AGAP1: variants seen among roughly 807,000 people sequenced by gnomAD.
AGAP1 encodes arf-GAP with GTPase, ANK repeat and PH domain-containing protein 1.
Under a neutral mutation model 105.3 loss-of-function variants are expected in AGAP1, and 29 were observed. The observed-to-expected ratio is 0.28, with a 90% CI of 0.21 to 0.38. The LOEUF is 0.38. Among genes scored for constraint, AGAP1 ranks in the 10% least tolerant of loss-of-function variants. AGAP1 has a pLI of 1.00. For synonymous variants in AGAP1, 509 were observed against 485.9 expected (o/e 1.05, Z -0.63); for missense variants, 998 against 1,165.1 (o/e 0.86, Z 2.09).
chr2:235,595,105 T>G (rs1215551761), intron 1 of AGAP1, among the ~76,000 whole-genome samples: 1 of 152,074 alleles, frequency 6.6e-6, no homozygotes, highest in Non-Finnish European at 1.5e-5. Flanking sequence ...CAGTGTGTTT[T>G]GCAGAAAGGG....
chr2:235,781,284 C>T (rs570780967), intron 6 of AGAP1, among the ~76,000 whole-genome samples: 1 of 152,288 alleles, frequency 6.6e-6, no homozygotes, highest in Admixed American at 6.5e-5. Flanking sequence ...GAGAAATATT[C>T]TTTGGTGCAA....
intron 3 of AGAP1, among the ~76,000 whole-genome samples, chr2:235,727,518 C>T (rs1951708189): frequency 6.6e-6 from 1 of 152,204 alleles, no homozygotes; most frequent in Non-Finnish European, 1.5e-5. Flanking sequence ...CTCACTTGGG[C>T]TGTGGACCTC....
At chr2:236,022,779 C>T (rs1264333997) in intron 13 of AGAP1, among the ~76,000 whole-genome samples, 1 of 152,168 alleles carries the variant, frequency 6.6e-6, no homozygotes, top group Non-Finnish European at 1.5e-5. Context: ...AAGGGATCCG[C>T]CCCCACCCCA....
rs145525149 is a variant in AGAP1, at chr2:235,561,434, C to T, written c.163+66585C>T. On this transcript the variant is annotated intron_variant, in intron 1 of 17. Transcript: ENST00000304032. ...GGTAGAATTTTTCTTTATTCCTACT[C>T]GTTGGTTCAGGTGTGTAATTATTAA... 1.9e-4 allele frequency among the ~76,000 whole-genome samples: 29 copies of T among 152,200 alleles called. 1 individual carries two copies. The highest frequency in any genetic ancestry group is 5.5e-4 in the African/African-American group (23 of 41,528).
intron 6 of AGAP1, among the ~76,000 whole-genome samples, chr2:235,762,872 CA>C (rs1954568703): frequency 6.6e-6 from 1 of 151,760 alleles, no homozygotes; most frequent in Admixed American, 6.6e-5. Context: ...GACTCCATCT[CA>C]AAAAAACAGG....
chr2:235,533,232 G>GA (rs1456008529), intron 1 of AGAP1, among the ~76,000 whole-genome samples: 1 of 152,162 alleles, frequency 6.6e-6, no homozygotes, highest in Non-Finnish European at 1.5e-5. Context: ...AAGCTCACTA[G>GA]AAACCGTCAT....
chr2:235,585,652 G>A (rs896019817), intron 1 of AGAP1, among the ~76,000 whole-genome samples: 3 of 152,122 alleles, frequency 2.0e-5, no homozygotes, highest in African/African-American at 7.2e-5. Flanking sequence ...CTCAATCTAG[G>A]TTTGGGAAGA....
rs1951547937 is a variant in AGAP1, at chr2:235,724,396, C to T, written c.310+6752C>T. Among the ~76,000 whole-genome samples, 1 of 152,208 alleles carries T rather than the reference C, an allele frequency of 6.6e-6. No individual in the cohort carries two copies. The highest frequency in any genetic ancestry group is 1.5e-5 in the Non-Finnish European group (1 of 68,038). ...GCAGCAGCTGCCCCCATGCTCTGTC[C>T]CAGAGACGGAACACACTGGTCACTG... On this transcript the variant is annotated intron_variant, in intron 3 of 17. Transcript: ENST00000304032. This position sits in a 1 kb window ranked among gnomAD's most constrained non-coding sequence, Gnocchi z 4.9.
rs1952068540 is a variant in AGAP1, at chr2:235,733,504, G to A, written c.311-7459G>A. Among the ~76,000 whole-genome samples, 2 of 152,322 alleles carry A rather than the reference G, an allele frequency of 1.3e-5. No individual in the cohort carries two copies. The highest frequency in any genetic ancestry group is 2.1e-4 in the South Asian group (1 of 4,832). The stretch of plus-strand genomic sequence containing the variant: ...GCCCCTTTTCCTGTTGGATGGTGAA[G>A]TTCCTTCCTTCTGGCTTTAATGTTT... On this transcript the variant is annotated intron_variant, in intron 3 of 17. Transcript: ENST00000304032. This position sits in a 1 kb window ranked among gnomAD's most constrained non-coding sequence, Gnocchi z 5.0.
At chr2:235,948,751 A>G (rs1372113324) in intron 12 of AGAP1, among the ~76,000 whole-genome samples, 1 of 152,152 alleles carries the variant, frequency 6.6e-6, no homozygotes, top group Admixed American at 6.5e-5. Context: ...AGGCAGAGGC[A>G]TGTGTCAGGG....
In AGAP1 at chr2:235,716,914, A is replaced by G. The variant is rs1951137586; in HGVS notation, c.223-643A>G. On this transcript the variant is annotated intron_variant, in intron 2 of 17. Coordinates refer to ENST00000304032, the MANE Select transcript of AGAP1 (RefSeq NM_001037131.3). This position sits in a 1 kb window ranked among gnomAD's most constrained non-coding sequence, Gnocchi z 4.0. ...AGGGTCGCCTTCTAATCCAGCACAAACGAGCACCTTTGCCGTCTCTCCCAG... is the reference window on the plus strand; with the variant it reads ...AGGGTCGCCTTCTAATCCAGCACAAGCGAGCACCTTTGCCGTCTCTCCCAG... Among the ~76,000 whole-genome samples the G allele has an allele frequency of 6.6e-6, 1 of 151,558 alleles. No individual in the cohort carries two copies. Among genetic ancestry groups the G allele is most frequent in the African/African-American group, 2.4e-5 (1 of 41,222 alleles).
At position 235,610,965 on chromosome 2, in the gene AGAP1, G is replaced by T. The variant is rs990024138; in HGVS notation, c.164-98214G>T. Among the ~76,000 whole-genome samples the T allele has an allele frequency of 1.3e-5, 2 of 152,006 alleles. No individual in the cohort carries two copies. The highest frequency in any genetic ancestry group is 2.9e-5 in the Non-Finnish European group (2 of 68,020). ...CGGCCCAGTAGGATGGTTGACTGACGTTAGCTTGGCTTTCTTCCTAAGGCA... is the reference window on the plus strand; with the variant it reads ...CGGCCCAGTAGGATGGTTGACTGACTTTAGCTTGGCTTTCTTCCTAAGGCA... On this transcript the variant is annotated intron_variant, in intron 1 of 17. Transcript: ENST00000304032. The surrounding 1 kb of genome is among the most constrained non-coding windows in gnomAD (Gnocchi z 4.9).
chr2:235,819,801 G>A (rs529966709), intron 9 of AGAP1, among the ~76,000 whole-genome samples: 1 of 152,014 alleles, frequency 6.6e-6, no homozygotes, highest in South Asian at 2.1e-4. Flanking sequence ...CCTGCGTTGT[G>A]TACACAGCAG....
chr2:235,717,924 G>A lies in AGAP1; in HGVS notation c.310+280G>A, dbSNP rs145479780. Among the ~76,000 whole-genome samples, 615 of 152,246 alleles carry A rather than the reference G, an allele frequency of 4.0e-3. 3 individuals are homozygous for A. The highest frequency in any genetic ancestry group is 0.013 in the African/African-American group (545 of 41,542). Reference sequence around the variant, plus strand: ...CCTTTCAAATGTCCTTTTTAATCCAGTGTCCTTCTTATCCATTGTTGCTCC... The same window carrying A: ...CCTTTCAAATGTCCTTTTTAATCCAATGTCCTTCTTATCCATTGTTGCTCC... On this transcript the variant is annotated intron_variant, in intron 3 of 17. Coordinates refer to ENST00000304032, the MANE Select transcript of AGAP1 (RefSeq NM_001037131.3).
rs149564689 is a variant in AGAP1, at chr2:235,701,945, C to T, written c.164-7234C>T. Among the ~76,000 whole-genome samples, 13 of 152,136 alleles carry T rather than the reference C, an allele frequency of 8.5e-5. No homozygotes were observed. Among genetic ancestry groups the T allele is most frequent in the African/African-American group, 1.2e-4 (5 of 41,432 alleles). ...CTTTAAACTAAAAATAAATGCTCCT[C>T]CCCTTTTCTGTGCTAAAAATAATAG... On this transcript the variant is annotated intron_variant, in intron 1 of 17. Transcript: ENST00000304032. The surrounding 1 kb of genome is among the most constrained non-coding windows in gnomAD (Gnocchi z 4.1).
Position 236,121,747 on chromosome 2 carries a change from G to T in AGAP1, c.2370+1300G>T, listed in dbSNP as rs2059906115. Among the ~76,000 whole-genome samples, 2 of 152,208 alleles carry T rather than the reference G, an allele frequency of 1.3e-5. No individual in the cohort carries two copies. The highest frequency in any genetic ancestry group is 4.1e-4 in the South Asian group (2 of 4,834). ...GAGTTGTGTGTAGTGTGCTAGGGCT[G>T]CCATAACAAAATACCACAGACAGGG... On this transcript the variant is annotated intron_variant, in intron 17 of 17. Transcript: ENST00000304032. This position sits in a 1 kb window ranked among gnomAD's most constrained non-coding sequence, Gnocchi z 4.9.
At chr2:235,509,542 G>C (rs1941982380) in intron 1 of AGAP1, among the ~76,000 whole-genome samples, 1 of 152,066 alleles carries the variant, frequency 6.6e-6, no homozygotes. Flanking sequence ...CAGAGGTGTG[G>C]TTTACATAAA....
rs1337460808 is a variant in AGAP1 at position 235,566,681 on chromosome 2, T to G, written c.163+71832T>G. 3 of 850,622 alleles carry G rather than the reference T, an allele frequency of 3.5e-6. No homozygotes were observed. The highest frequency in any genetic ancestry group is 4.2e-6 in the Non-Finnish European group (3 of 706,916). 52.7% of individuals were successfully genotyped at this position (850,622 alleles called of 1,614,324 possible). On this transcript the variant is annotated intron_variant, in intron 1 of 17. Transcript: ENST00000304032. This position sits in a 1 kb window ranked among gnomAD's most constrained non-coding sequence, Gnocchi z 5.2. ...GGACCAGCCGGGACCGGGGAGAGGC[T>G]GTTCGAGGAACACAGGATGCATATT...
At position 235,962,605 on chromosome 2, in the gene AGAP1, G is replaced by A. The variant is rs1041633407; in HGVS notation, c.1484-5857G>A. Among the ~76,000 whole-genome samples, 3 of 152,028 alleles carry A rather than the reference G, an allele frequency of 2.0e-5. No homozygotes were observed. The highest frequency in any genetic ancestry group is 7.3e-5 in the African/African-American group (3 of 41,378). ...CAAGCCTGGGTGAGACCATGAGAGA[G>A]GGTGTCTGAGGTCCAGGGCAGAAGA... On this transcript the variant is annotated intron_variant, in intron 12 of 17. Transcript: ENST00000304032. The surrounding 1 kb of genome is among the most constrained non-coding windows in gnomAD (Gnocchi z 5.3).
Sources: gnomAD v4.1 joint callset for allele counts (sites outside exome capture counted in the v4.1 genomes callset) on GRCh38, gnomAD v4.1.1 for gene constraint, Gnocchi (gnomAD v3.1) non-coding constraint, MANE v1.5 for transcripts, NCBI Gene and HGNC (gene_info 2026-07-23, HGNC 2026-07-21) for gene names.